The following NF1 variants were observed in gnomAD, a reference collection of about 807,000 sequenced individuals.
NF1 encodes neurofibromin.
In NF1, 122 loss-of-function variants were observed where a neutral mutation model predicts 325.7. That is an observed-to-expected ratio of 0.37 (90% CI 0.32 to 0.44). The LOEUF (loss-of-function observed/expected upper bound fraction) is 0.44, where lower values mean the gene tolerates loss of function less well. NF1 is among the 20% of genes least tolerant of loss of function. NF1 has a pLI of 1.00. For missense variants in NF1, 2,140 were observed against 3,415.4 expected, an observed-to-expected ratio of 0.63 and a Z score of 9.31; for synonymous variants, 1,091 against 1,186.0, an observed-to-expected ratio of 0.92 and a Z score of 1.65.
At chr17:31,212,538 T>G (rs947554937) in intron 12 of NF1, among the ~76,000 whole-genome samples, 1 of 152,102 alleles carries the variant, frequency 6.6e-6, no homozygotes, top group Admixed American at 6.6e-5. Flanking sequence ...CAAAACCTCT[T>G]CTCTACTAAA....
chr17:31,352,118 C>T, intron 50 of NF1, 139 bp from the exon 51 acceptor site: 1 of 760,602 alleles, frequency 1.3e-6, no homozygotes, highest in East Asian at 2.7e-5. Flanking sequence ...GAGTTTGTAT[C>T]CTAAAGCCCT....
At position 31,358,481 on chromosome 17, in the gene NF1, C is replaced by T. The variant is rs1555536868; in HGVS notation, c.7972C>T (p.His2658Tyr). The change falls in exon 55 of 58, where the codon CAT (histidine) becomes TAT (tyrosine). Residue 2658 changes from histidine to tyrosine, a missense_variant and splice_region_variant. Coordinates refer to ENST00000358273, the MANE Select transcript of NF1 (RefSeq NM_001042492.3). ...CTGTTGACTTTTTTTTTCTTTTAGG[C>T]ATAATTTGTTGGACTCTAAGATCAA... ...VVFPKVFPVV[H>Y]NLLDSKINTL... The T allele has an allele frequency of 6.2e-7, 1 of 1,612,908 alleles. No individual in the cohort carries two copies. The highest frequency in any genetic ancestry group is 1.7e-4 in the Middle Eastern group (1 of 6,050).
chr17:31,315,733 A>C (rs1161785998), intron 36 of NF1, among the ~76,000 whole-genome samples: 1 of 152,186 alleles, frequency 6.6e-6, no homozygotes, highest in Non-Finnish European at 1.5e-5. Context: ...GATGCATATT[A>C]TAGTAGGTAC....
chr17:31,141,464 T>C (rs1188364582), intron 1 of NF1, among the ~76,000 whole-genome samples: 11 of 152,160 alleles, frequency 7.2e-5, no homozygotes, highest in Admixed American at 7.2e-4. Context: ...GGGACATCAT[T>C]GATGGCCTTT....
chr17:31,241,619 A>C (rs2067298633), intron 29 of NF1, among the ~76,000 whole-genome samples: 1 of 152,238 alleles, frequency 6.6e-6, no homozygotes, highest in South Asian at 2.1e-4. Context: ...AGCAGCAAAC[A>C]AAGAAGCAAA....
chr17:31,134,023 T>G (rs1477317054), intron 1 of NF1, among the ~76,000 whole-genome samples: 12 of 151,484 alleles, frequency 7.9e-5, no homozygotes, highest in Admixed American at 2.6e-4. Context: ...GACTTTTTGG[T>G]TTTTTTTTAA....
intron 36 of NF1, among the ~76,000 whole-genome samples, chr17:31,325,179 A>C (rs563767137): frequency 5.9e-5 from 9 of 152,318 alleles, no homozygotes; most frequent in Non-Finnish European, 1.0e-4. Flanking sequence ...GCTTTATCTC[A>C]TACACAAATG....
At chr17:31,291,712 G>C (rs1240492526) in intron 36 of NF1, among the ~76,000 whole-genome samples, 1 of 152,174 alleles carries the variant, frequency 6.6e-6, no homozygotes, top group South Asian at 2.1e-4. Context: ...GGAAGATATT[G>C]AATAGCACAT....
At chr17:31,133,462 C>A (rs1380904818) in intron 1 of NF1, 2 of 152,200 alleles carry the variant, frequency 1.3e-5, no homozygotes, top group East Asian at 1.9e-4. Context: ...GATACCACTT[C>A]AAGACCCTGC....
Position 31,332,590 on chromosome 17 carries a change from T to TG in NF1, c.5812+2092_5812+2093insG. On this transcript the variant is annotated intron_variant, in intron 39 of 57. Coordinates refer to ENST00000358273, the MANE Select transcript of NF1 (RefSeq NM_001042492.3). ...CAGATCATGGTTTTTTTTTTTTTTT[T>TG]ATTATACTCTAAGTTTTAGGGTACA... is the stretch of plus-strand genomic sequence containing the variant. Among the ~76,000 whole-genome samples, 2 of 100,840 alleles carry TG rather than the reference T, an allele frequency of 2.0e-5. 1 individual carries two copies. The highest frequency in any genetic ancestry group is 7.6e-4 in the South Asian group (2 of 2,622). The allele number at this position is 100,840 out of a possible 152,430, so 66.2% of individuals were successfully genotyped here.
At chr17:31,321,111 G>A (rs138703693) in intron 36 of NF1, 154 of 152,258 alleles carry the variant, frequency 1.0e-3, no homozygotes, top group African/African-American at 3.3e-3. Flanking sequence ...TGCCTTGGAG[G>A]CCAGGTTGTG....
chr17:31,370,905 GAAAC>G (rs1470185731), intron 57 of NF1, among the ~76,000 whole-genome samples: 1 of 151,932 alleles, frequency 6.6e-6, no homozygotes, highest in Non-Finnish European at 1.5e-5. Flanking sequence ...TTCTATTAAA[GAAAC>G]AACTCAGAAT....
chr17:31,191,847 T>C (rs541409243), intron 8 of NF1, among the ~76,000 whole-genome samples: 1 of 152,352 alleles, frequency 6.6e-6, no homozygotes, highest in African/African-American at 2.4e-5. Context: ...TAATTTTTAT[T>C]CTTTTTAAGG....
At chr17:31,230,479 G>A (rs1484663823) in intron 23 of NF1, 97 bp downstream of exon 23, 2 of 1,468,842 alleles carry the variant, frequency 1.4e-6, no homozygotes, top group Non-Finnish European at 1.9e-6. Context: ...GTAGAAAGGA[G>A]GACATGAAAA....
At position 31,252,554 on chromosome 17, in the gene NF1, G is replaced by A. The variant is rs772490246; in HGVS notation, c.4111-384G>A. 1.6e-4 allele frequency: 37 copies of A among 227,272 alleles called. No individual in the cohort carries two copies. The East Asian group carries it at 1.9e-3, about 12-fold the overall frequency. 14.1% of individuals were successfully genotyped at this position (227,272 alleles called of 1,614,324 possible). A position where few individuals can be genotyped will look rare whatever the true frequency, so the allele number is the denominator to read the frequency against. On this transcript the variant is annotated intron_variant, in intron 30 of 57. Coordinates refer to ENST00000358273, the MANE Select transcript of NF1 (RefSeq NM_001042492.3). ...ATTTTACATACCAAGAAAAAATTAT[G>A]TAGACACAAATGTTTTTAGTGTGTG...
In NF1 at chr17:31,200,484, A is replaced by G; in HGVS notation, c.951A>G (p.Thr317=). ...GCCATGGAGGAAGTAGGCAGCTGAC[A>G]GAAAGTGCTGCAATTGCCTGTGTCA... is the stretch of plus-strand genomic sequence containing the variant. ...LAGHGGSRQL[T]ESAAIACVKL... Residue 317 remains threonine (T), a synonymous_variant, in exon 9 of 58, where the codon ACA becomes ACG. Coordinates refer to ENST00000358273, the MANE Select transcript of NF1 (RefSeq NM_001042492.3). The G allele has an allele frequency of 6.2e-7, 1 of 1,614,162 alleles. No homozygotes were observed. The highest frequency in any genetic ancestry group is 8.5e-7 in the Non-Finnish European group (1 of 1,180,018).
chr17:31,305,632 T>C, intron 36 of NF1: 1 of 1,592,920 alleles, frequency 6.3e-7, no homozygotes, highest in Non-Finnish European at 8.6e-7. Context: ...CCTCGTTATC[T>C]ATAGCGGGTT....
In NF1 at chr17:31,282,175, G is replaced by A. The variant is rs571927420; in HGVS notation, c.4835+16836G>A. Among the ~76,000 whole-genome samples, 16 of 152,144 alleles carry A rather than the reference G, an allele frequency of 1.1e-4. No homozygotes were observed. In the South Asian group the frequency reaches 2.1e-3, roughly 20 times the overall value. ...AGGCAGGTGAATCCCGAGGTCAGGA[G>A]ATCAAGACCATCCTGGCTAACACGG... is the stretch of plus-strand genomic sequence containing the variant. On this transcript the variant is annotated intron_variant, in intron 36 of 57. Coordinates refer to ENST00000358273, the MANE Select transcript of NF1 (RefSeq NM_001042492.3).
intron 24 of NF1, among the ~76,000 whole-genome samples, chr17:31,231,629 A>G (rs1475914653): frequency 6.6e-6 from 1 of 152,206 alleles, no homozygotes; most frequent in Non-Finnish European, 1.5e-5. Context: ...TATAATATCT[A>G]ATACAATATA....
Sources: gnomAD v4.1 joint callset for allele counts (sites outside exome capture counted in the v4.1 genomes callset) on GRCh38, gnomAD v4.1.1 for gene constraint, MANE v1.5 for transcripts, NCBI Gene and HGNC (gene_info 2026-07-23, HGNC 2026-07-21) for gene names.